The following PRKCA variants were observed in gnomAD, a reference collection of about 807,000 sequenced individuals.
PRKCA encodes protein kinase C alpha type.
Under a neutral mutation model 87.0 loss-of-function variants are expected in PRKCA, and 27 were observed. That is an observed-to-expected ratio of 0.31 (90% CI 0.23 to 0.43). The LOEUF (loss-of-function observed/expected upper bound fraction) is 0.43. Among genes scored for constraint, PRKCA ranks in the 20% least tolerant of loss-of-function variants. The pLI, the probability that PRKCA is intolerant of heterozygous loss-of-function variation, is 1.00. For missense variants in PRKCA, 518 were observed against 852.3 expected, an observed-to-expected ratio of 0.61 and a Z score of 4.88; for synonymous variants, 329 against 311.1, an observed-to-expected ratio of 1.06 and a Z score of -0.61.
Position 66,805,986 on chromosome 17 carries a change from C to G in PRKCA, c.*1949C>G, listed in dbSNP as rs191336152. The G allele has an allele frequency of 6.6e-6, 1 of 152,440 alleles. No homozygotes were observed. The highest frequency in any genetic ancestry group is 1.5e-5 in the Non-Finnish European group (1 of 68,086). The allele number at this position is 152,440 out of a possible 1,614,324, so 9.4% of individuals were successfully genotyped here. The stretch of plus-strand genomic sequence containing the variant: ...TTCGTGAGACCAACACAGCCGTGCC[C>G]TGCAGGCACCAGCACGTGCTTTTCA... On this transcript the variant is annotated 3_prime_UTR_variant, in exon 17 of 17. Coordinates refer to ENST00000413366, the MANE Select transcript of PRKCA (RefSeq NM_002737.3).
rs564836785 is a variant in PRKCA at position 66,525,864 on chromosome 17, CAGA to C, written c.288+29587_288+29589del. Among the ~76,000 whole-genome samples the C allele has an allele frequency of 5.6e-3, 856 of 151,640 alleles. 6 individuals are homozygous for C. Among genetic ancestry groups the C allele is most frequent in the African/African-American group, 0.019 (806 of 41,364 alleles). ...CCAAAAGTCTCTTTTTTTTTCAATT[CAGA>C]AGAAGGTCTGGGAACATTCTGTGCA... On this transcript the variant is annotated intron_variant, in intron 3 of 16. Transcript: ENST00000413366.
chr17:66,440,619 G>T (rs1376552523), intron 2 of PRKCA, among the ~76,000 whole-genome samples: 1 of 152,128 alleles, frequency 6.6e-6, no homozygotes, highest in Non-Finnish European at 1.5e-5. Flanking sequence ...TACAACCGGG[G>T]TGTTACCTAG....
intron 10 of PRKCA, among the ~76,000 whole-genome samples, chr17:66,736,878 C>T (rs1482755197): frequency 6.6e-6 from 1 of 152,170 alleles, no homozygotes; most frequent in African/African-American, 2.4e-5. Flanking sequence ...GCTTTTGCAC[C>T]ATGAAGGCAG....
At chr17:66,522,147 C>T (rs570319231) in intron 3 of PRKCA, among the ~76,000 whole-genome samples, 19 of 152,238 alleles carry the variant, frequency 1.2e-4, no homozygotes, top group South Asian at 6.2e-4. Flanking sequence ...AGCTCCTGGG[C>T]GACGGGTCCT....
At chr17:66,529,657 G>A (rs566106170) in intron 3 of PRKCA, among the ~76,000 whole-genome samples, 26 of 152,272 alleles carry the variant, frequency 1.7e-4, no homozygotes, top group African/African-American at 5.5e-4. Flanking sequence ...TCATTTGTTT[G>A]TATTTGTCCC....
At chr17:66,456,380 C>T (rs1205782863) in intron 2 of PRKCA, among the ~76,000 whole-genome samples, 5 of 152,150 alleles carry the variant, frequency 3.3e-5, no homozygotes, top group African/African-American at 1.2e-4. Context: ...TTCTAAATTT[C>T]CTCTTGTCCA....
At chr17:66,390,529 A>T (rs1910301786) in intron 2 of PRKCA, among the ~76,000 whole-genome samples, 1 of 152,210 alleles carries the variant, frequency 6.6e-6, no homozygotes, top group African/African-American at 2.4e-5. Context: ...CTGAGCTGTC[A>T]GTAGCATCTG....
At chr17:66,334,447 C>G (rs920929393) in intron 2 of PRKCA, among the ~76,000 whole-genome samples, 2 of 151,870 alleles carry the variant, frequency 1.3e-5, no homozygotes, top group African/African-American at 4.8e-5. Flanking sequence ...TGTGATAACT[C>G]AATTTAAAAA....
chr17:66,572,984 A>G (rs1200935023), intron 3 of PRKCA, among the ~76,000 whole-genome samples: 2 of 151,996 alleles, frequency 1.3e-5, no homozygotes, highest in African/African-American at 4.8e-5. Context: ...CTTCCCAAGA[A>G]CTGCTTTCTT....
At chr17:66,606,052 GAATT>G (rs1266312260) in intron 3 of PRKCA, among the ~76,000 whole-genome samples, 1 of 152,174 alleles carries the variant, frequency 6.6e-6, no homozygotes, top group African/African-American at 2.4e-5. Context: ...TTAAGTAGAT[GAATT>G]GTCTGGTATG....
At chr17:66,686,099 G>C (rs181653301) in intron 5 of PRKCA, among the ~76,000 whole-genome samples, 242 of 152,316 alleles carry the variant, frequency 1.6e-3, no homozygotes, top group African/African-American at 5.7e-3. Context: ...AGATAGGAAG[G>C]CATTTGAGAT....
chr17:66,796,866 C>A, intron 16 of PRKCA: 1 of 985,374 alleles, frequency 1.0e-6, no homozygotes, highest in Non-Finnish European at 1.2e-6. Context: ...CGATGAAGTA[C>A]CTCCTGCATT....
At chr17:66,323,926 G>A (rs927401614) in intron 2 of PRKCA, among the ~76,000 whole-genome samples, 2 of 152,080 alleles carry the variant, frequency 1.3e-5, no homozygotes, top group Non-Finnish European at 2.9e-5. Context: ...GGGCAACACA[G>A]CAAGATTCTG....
intron 2 of PRKCA, among the ~76,000 whole-genome samples, chr17:66,372,867 C>A (rs978051906): frequency 5.9e-5 from 9 of 152,018 alleles, no homozygotes; most frequent in Middle Eastern, 3.2e-3. Flanking sequence ...GACCAGCCTG[C>A]CCAACACGGT....
chr17:66,723,460 T>C (rs764063543), intron 8 of PRKCA, among the ~76,000 whole-genome samples: 34 of 151,974 alleles, frequency 2.2e-4, no homozygotes, highest in Non-Finnish European at 4.0e-4. Flanking sequence ...AAAACCCATC[T>C]CTACTAAAAA....
chr17:66,461,927 G>A (rs886846589), intron 2 of PRKCA, among the ~76,000 whole-genome samples: 2 of 141,694 alleles, frequency 1.4e-5, no homozygotes, highest in Admixed American at 6.7e-5. Flanking sequence ...CCTAACTACC[G>A]AGGAGGAGAC....
chr17:66,775,334 A>G (rs188491490), intron 14 of PRKCA: 1 of 985,322 alleles, frequency 1.0e-6, no homozygotes, highest in Admixed American at 6.1e-5. Context: ...TCAGCCGAGC[A>G]CAGATCAGTT....
intron 2 of PRKCA, among the ~76,000 whole-genome samples, chr17:66,461,205 C>CA (rs34496253): frequency 0.37 from 34,340 of 92,690 alleles, 4,880 homozygotes; most frequent in Middle Eastern, 0.5. Flanking sequence ...GACCCCATCT[C>CA]AAAAAAAAAA....
chr17:66,483,451 T>C (rs1273233415), intron 2 of PRKCA, among the ~76,000 whole-genome samples: 2 of 148,050 alleles, frequency 1.4e-5, no homozygotes, highest in African/African-American at 5.0e-5. Flanking sequence ...CTTGCCTTTA[T>C]TTTTATTTTA....
Sources: allele counts gnomAD v4.1 joint callset (sites outside exome capture counted in the v4.1 genomes callset), GRCh38; gene constraint gnomAD v4.1.1; transcripts MANE v1.5; gene names NCBI Gene and HGNC (gene_info 2026-07-23, HGNC 2026-07-21).